DGKD: variants seen among roughly 807,000 people sequenced by gnomAD.
DGKD encodes DAG kinase delta.
A neutral mutation model predicts 154.4 loss-of-function variants in DGKD; 68 were observed. The observed-to-expected ratio is 0.44, with a 90% CI of 0.36 to 0.54. The LOEUF is 0.54. DGKD is among the 20% of genes least tolerant of loss of function. The probability of loss-of-function intolerance (pLI) is 0.00; values close to 1 mark genes in which losing one functional copy is unlikely to be tolerated. For missense variants in DGKD, 1,343 were observed against 1,593.6 expected (o/e 0.84, Z 2.68); for synonymous variants, 693 against 638.0 (o/e 1.09, Z -1.30).
In DGKD at chr2:233,460,210, TGAAGTCCTGG is replaced by T. The variant is rs774913809; in HGVS notation, c.2851_2860del (p.Ser951ThrfsTer45). On this transcript the variant is annotated frameshift_variant, in exon 24 of 30. Transcript: ENST00000264057. LOFTEE classifies it high-confidence loss of function. ...GGTCCATAGGCATTTGAGAGCACCCTGAAGTCCTGGGAAGACAAGCAGAAGTGCGAGCTGC... is the reference window on the plus strand; with the variant it reads ...GGTCCATAGGCATTTGAGAGCACCCTGAAGACAAGCAGAAGTGCGAGCTGC... 1 of 1,613,804 alleles carries T rather than the reference TGAAGTCCTGG, an allele frequency of 6.2e-7. No homozygotes were observed. Among genetic ancestry groups the T allele is most frequent in the African/African-American group, 1.3e-5 (1 of 74,848 alleles).
chr2:233,421,629 C>G (rs1158226798), intron 3 of DGKD, among the ~76,000 whole-genome samples: 1 of 152,068 alleles, frequency 6.6e-6, no homozygotes, highest in Admixed American at 6.6e-5. Context: ...CTCAGCCCTT[C>G]CCACCTCCTT....
chr2:233,361,040 CAG>C (rs1701759399), intron 1 of DGKD, among the ~76,000 whole-genome samples: 1 of 70,146 alleles, frequency 1.4e-5, no homozygotes, highest in Admixed American at 1.8e-4. Flanking sequence ...AGTTTTATGG[CAG>C]CCCTAGGGCA....
intron 3 of DGKD, among the ~76,000 whole-genome samples, chr2:233,407,130 T>C (rs75286881): frequency 0.024 from 3,612 of 152,320 alleles, 125 homozygotes; most frequent in African/African-American, 0.082. Flanking sequence ...GGCACAGAAG[T>C]GCGTTCTGAA....
chr2:233,451,857 A>C (rs2063305782), intron 17 of DGKD, 107 bp from the exon 18 acceptor site: 2 of 909,086 alleles, frequency 2.2e-6, no homozygotes, highest in Non-Finnish European at 3.4e-6. Context: ...ACATTTAATT[A>C]TAATAACGTT....
intron 2 of DGKD, among the ~76,000 whole-genome samples, chr2:233,389,982 A>G (rs903456593): frequency 2.0e-5 from 3 of 152,228 alleles, no homozygotes; most frequent in Non-Finnish European, 4.4e-5. Flanking sequence ...TGGAGGAACA[A>G]GCCAGGAGGA....
At chr2:233,401,978 C>T (rs1221995011) in intron 3 of DGKD, among the ~76,000 whole-genome samples, 1 of 148,814 alleles carries the variant, frequency 6.7e-6, no homozygotes. Flanking sequence ...AGGGGCCCCT[C>T]GTTTCTTACC....
At chr2:233,435,641 G>A (rs1402504236) in intron 5 of DGKD, among the ~76,000 whole-genome samples, 177 bp from the exon 6 acceptor site, 1 of 152,198 alleles carries the variant, frequency 6.6e-6, no homozygotes, top group Non-Finnish European at 1.5e-5. Flanking sequence ...CCCTGCCGCT[G>A]CCGGTCCCAC....
At chr2:233,361,553 C>A (rs2125376500) in intron 1 of DGKD, among the ~76,000 whole-genome samples, 1 of 152,302 alleles carries the variant, frequency 6.6e-6, no homozygotes, top group African/African-American at 2.4e-5. Flanking sequence ...AGACTCCAGA[C>A]CCAGACTTTA....
At position 233,469,479 on chromosome 2, in the gene DGKD, G is replaced by T; in HGVS notation, c.*19G>T. On this transcript the variant is annotated 3_prime_UTR_variant, in exon 30 of 30. Transcript: ENST00000264057. Reference sequence around the variant, plus strand: ...GGCCTAGCCTCTGTCCTCTCAGCCTGTGGCCTCCACATCCCCGCCGCCGAG... The same window carrying T: ...GGCCTAGCCTCTGTCCTCTCAGCCTTTGGCCTCCACATCCCCGCCGCCGAG... The T allele has an allele frequency of 6.3e-7, 1 of 1,580,320 alleles. No individual in the cohort carries two copies. Among genetic ancestry groups the T allele is most frequent in the Non-Finnish European group, 8.6e-7 (1 of 1,163,568 alleles).
intron 1 of DGKD, among the ~76,000 whole-genome samples, chr2:233,387,710 C>G (rs1482134967): frequency 1.3e-5 from 2 of 152,238 alleles, no homozygotes; most frequent in South Asian, 2.1e-4. Context: ...GCACTTTCCT[C>G]TCATGGTGTG....
intron 3 of DGKD, among the ~76,000 whole-genome samples, chr2:233,410,852 G>A (rs1372381276): frequency 6.6e-6 from 1 of 152,114 alleles, no homozygotes; most frequent in Non-Finnish European, 1.5e-5. Context: ...CCATCACCCT[G>A]AGAATTTCCT....
rs2063819553 is a variant in DGKD, at chr2:233,466,227, A to G, written c.3307-859A>G. Among the ~76,000 whole-genome samples, 7 of 151,418 alleles carry G rather than the reference A, an allele frequency of 4.6e-5. No individual in the cohort carries two copies. In the South Asian group the frequency reaches 1.5e-3, roughly 32 times the overall value. On this transcript the variant is annotated intron_variant, in intron 27 of 29. Coordinates refer to ENST00000264057, the MANE Select transcript of DGKD (RefSeq NM_152879.3). ...GTATCTTGTATGCAGTTGTGTTTAC[A>G]TCATTAAGTTCCTACTGAAATTTTT...
At chr2:233,378,732 T>A (rs1401123888) in intron 1 of DGKD, among the ~76,000 whole-genome samples, 1 of 152,250 alleles carries the variant, frequency 6.6e-6, no homozygotes, top group Non-Finnish European at 1.5e-5. Flanking sequence ...TCAATTTTTA[T>A]AATTTCTTTA....
At chr2:233,390,153 T>C (rs1015909074) in intron 2 of DGKD, among the ~76,000 whole-genome samples, 1 of 152,204 alleles carries the variant, frequency 6.6e-6, no homozygotes, top group Non-Finnish European at 1.5e-5. Flanking sequence ...CCTTCACTAA[T>C]GCAATGACAA....
In DGKD at chr2:233,434,908, A is replaced by T. The variant is rs1402011817; in HGVS notation, c.586+7A>T. 6.2e-7 allele frequency: 1 copy of T among 1,605,286 alleles called. No individual in the cohort carries two copies. ...CACGGGCTGTCCTGCGAGGGTACGG[A>T]TGTGCGTTTGTTATTCTGTCAGGAA... is the stretch of plus-strand genomic sequence containing the variant. On this transcript the variant is annotated splice_region_variant and intron_variant, in intron 5 of 29. Coordinates refer to ENST00000264057, the MANE Select transcript of DGKD (RefSeq NM_152879.3).
chr2:233,465,540 C>T (rs895109093), intron 27 of DGKD, among the ~76,000 whole-genome samples: 5 of 152,070 alleles, frequency 3.3e-5, no homozygotes, highest in African/African-American at 9.6e-5. Flanking sequence ...TCACGTTAGC[C>T]GAGGAGTTCA....
intron 3 of DGKD, 25 bp from the exon 4 acceptor site, chr2:233,434,355 C>T (rs1301235478): frequency 1.3e-6 from 2 of 1,585,432 alleles, no homozygotes; most frequent in East Asian, 2.2e-5. Context: ...GTTCATGGAT[C>T]TGTTGAACCT....
chr2:233,454,675 C>A, intron 18 of DGKD, 88 bp from the exon 19 acceptor site: 1 of 765,076 alleles, frequency 1.3e-6, no homozygotes. Context: ...CAGTTTTCCC[C>A]AAGGAAGAGA....
chr2:233,451,100 G>T (rs144429998), intron 17 of DGKD, 50 bp downstream of exon 17: 10 of 1,571,016 alleles, frequency 6.4e-6, no homozygotes, highest in Admixed American at 1.7e-5. Context: ...GCACAACACT[G>T]GTCCCGTCAA....
Sources: allele counts gnomAD v4.1 joint callset (sites outside exome capture counted in the v4.1 genomes callset), GRCh38; gene constraint gnomAD v4.1.1; transcripts MANE v1.5; gene names NCBI Gene and HGNC (gene_info 2026-07-23, HGNC 2026-07-21).